ARHGEF3: variants seen among roughly 807,000 people sequenced by gnomAD.
ARHGEF3 encodes the protein 59.8 kDA protein.
In ARHGEF3, 28 loss-of-function variants were observed where a neutral mutation model predicts 63.2. That is an observed-to-expected ratio of 0.44 (90% CI 0.33 to 0.61). The LOEUF (loss-of-function observed/expected upper bound fraction) is 0.61. ARHGEF3 is among the 20% of genes least tolerant of loss of function. The probability of loss-of-function intolerance (pLI) is 0.03; values close to 1 mark genes in which losing one functional copy is unlikely to be tolerated. For synonymous variants in ARHGEF3, 266 were observed against 254.2 expected (o/e 1.05, Z -0.44); for missense variants, 533 against 659.3 (o/e 0.81, Z 2.10).
intron 2 of ARHGEF3, among the ~76,000 whole-genome samples, chr3:57,022,107 C>T (rs1302307086): frequency 2.0e-5 from 3 of 151,972 alleles, no homozygotes; most frequent in Non-Finnish European, 4.4e-5. Flanking sequence ...CTTGTTTCTA[C>T]AAAAAAATTT....
intron 2 of ARHGEF3, among the ~76,000 whole-genome samples, chr3:57,015,995 G>A (rs987735314): frequency 6.6e-6 from 1 of 151,986 alleles, no homozygotes; most frequent in Non-Finnish European, 1.5e-5. Flanking sequence ...GGGTCCACCT[G>A]GGTGCGTCCT....
chr3:56,869,571 T>C (rs79417271), intron 4 of ARHGEF3, among the ~76,000 whole-genome samples: 145 of 152,340 alleles, frequency 9.5e-4, no homozygotes, highest in African/African-American at 3.2e-3. Flanking sequence ...AAAGTCAACA[T>C]ATCTCCTTCT....
At chr3:56,887,811 C>G (rs1052059008) in intron 3 of ARHGEF3, among the ~76,000 whole-genome samples, 6 of 152,246 alleles carry the variant, frequency 3.9e-5, no homozygotes, top group African/African-American at 1.4e-4. Flanking sequence ...GCTGTAGTCT[C>G]TGCACTCTGA....
At chr3:57,069,376 AACAC>A (rs147675971) in intron 1 of ARHGEF3, among the ~76,000 whole-genome samples, 6,596 of 146,374 alleles carry the variant, frequency 0.045, 436 homozygotes, top group African/African-American at 0.15. Flanking sequence ...CTGTCTCTCA[AACAC>A]ACACACACAC....
intron 1 of ARHGEF3, among the ~76,000 whole-genome samples, chr3:56,783,430 G>A (rs1474651563): frequency 6.6e-6 from 1 of 152,166 alleles, no homozygotes; most frequent in Admixed American, 6.5e-5. Flanking sequence ...TTTGGAGAGG[G>A]TGAATGTTCA....
Position 57,068,156 on chromosome 3 carries a change from C to T in ARHGEF3, c.-28+11070G>A, listed in dbSNP as rs573090961. Reference sequence around the variant, plus strand: ...TTTCACCAAATAATTCAGATATGCGCGCACACACACATACACACACACACA... The same window carrying T: ...TTTCACCAAATAATTCAGATATGCGTGCACACACACATACACACACACACA... On this transcript the variant is annotated intron_variant, in intron 1 of 12. Coordinates refer to the ARHGEF3 transcript ENST00000338458. Among the ~76,000 whole-genome samples the T allele has an allele frequency of 1.2e-3, 99 of 80,408 alleles. 1 individual carries two copies. In the South Asian group the frequency reaches 0.022, roughly 18 times the overall value. 52.8% of individuals were successfully genotyped at this position (80,408 alleles called of 152,430 possible). A position where few individuals can be genotyped will look rare whatever the true frequency, so the allele number is the denominator to read the frequency against.
exon 3 of ARHGEF3, chr3:56,958,880 C>G: frequency 6.4e-7 from 1 of 1,551,226 alleles, no homozygotes; most frequent in Non-Finnish European, 8.7e-7. Context: ...TTTGCCGCTG[C>G]CGTTTAGGCC....
intron 1 of ARHGEF3, among the ~76,000 whole-genome samples, chr3:57,055,521 ATTC>A (rs1278848979): frequency 4.6e-5 from 7 of 152,092 alleles, no homozygotes; most frequent in Non-Finnish European, 1.0e-4. Flanking sequence ...TCATGTAGAA[ATTC>A]TTCTTTATTA....
chr3:57,023,412 G>A (rs1703341163), intron 2 of ARHGEF3, among the ~76,000 whole-genome samples: 1 of 152,190 alleles, frequency 6.6e-6, no homozygotes, highest in Non-Finnish European at 1.5e-5. Flanking sequence ...AATACCCCCA[G>A]CTGGTTACTT....
At chr3:56,751,002 T>C (rs2034707921) in intron 6 of ARHGEF3, 54 bp downstream of exon 6, 1 of 1,269,372 alleles carries the variant, frequency 7.9e-7, no homozygotes, top group Admixed American at 2.6e-5. Context: ...AAAATGAAAC[T>C]CCCATCTATA....
intron 1 of ARHGEF3, chr3:56,775,231 T>A: frequency 3.8e-6 from 5 of 1,329,600 alleles, no homozygotes; most frequent in Non-Finnish European, 4.8e-6. Flanking sequence ...GTTCTGAACA[T>A]AGTAGGTGCC....
At chr3:56,817,521 GA>G (rs1433300342) in intron 4 of ARHGEF3, among the ~76,000 whole-genome samples, 1 of 152,172 alleles carries the variant, frequency 6.6e-6, no homozygotes, top group African/African-American at 2.4e-5. Context: ...ACTTCAGCTG[GA>G]ACAGAAAGAA....
intron 6 of ARHGEF3, among the ~76,000 whole-genome samples, chr3:56,748,277 G>A (rs978229409): frequency 6.6e-6 from 1 of 152,078 alleles, no homozygotes; most frequent in African/African-American, 2.4e-5. Context: ...AGATCCACCC[G>A]CCTCAGGCTC....
At chr3:56,879,345 C>T (rs2040693746) in intron 4 of ARHGEF3, among the ~76,000 whole-genome samples, 1 of 152,144 alleles carries the variant, frequency 6.6e-6, no homozygotes. Context: ...TAATATTTCT[C>T]AACTTTAAGT....
intron 2 of ARHGEF3, among the ~76,000 whole-genome samples, chr3:56,984,192 C>T (rs536219840): frequency 7.9e-5 from 12 of 152,316 alleles, no homozygotes; most frequent in African/African-American, 2.6e-4. Flanking sequence ...AAAACCACAC[C>T]GTGGGCTGCA....
intron 3 of ARHGEF3, among the ~76,000 whole-genome samples, chr3:56,948,809 T>G (rs1211291430): frequency 6.8e-6 from 1 of 147,970 alleles, no homozygotes; most frequent in Non-Finnish European, 1.5e-5. Flanking sequence ...TACCAAAGCC[T>G]GGCAGAGACA....
At chr3:56,946,596 G>A (rs963613619) in intron 3 of ARHGEF3, among the ~76,000 whole-genome samples, 2 of 152,126 alleles carry the variant, frequency 1.3e-5, no homozygotes, top group African/African-American at 2.4e-5. Context: ...AAAAAGAAAC[G>A]AACAAAGCCT....
intron 3 of ARHGEF3, among the ~76,000 whole-genome samples, chr3:56,894,334 A>G (rs1216412339): frequency 6.6e-6 from 1 of 152,196 alleles, no homozygotes; most frequent in Non-Finnish European, 1.5e-5. Context: ...GTAGATGCTT[A>G]ATAAAATATT....
rs1161370912 is a variant in ARHGEF3 at position 56,773,750 on chromosome 3, C to T, written c.163G>A (p.Val55Met). ...AAGCGCTTTAATGGCGTGGCCTTCA[C>T]GGGCGGGATGAGGTTTGCTAGCGAC... Reference protein sequence around the residue: ...VTSLANLIPPVKATPLKRFSQ... With the variant: ...VTSLANLIPPMKATPLKRFSQ... The change falls in exon 2 of 10, where the codon GTG (valine) becomes ATG (methionine). Residue 55 changes from valine (V) to methionine (M), a missense_variant. By Grantham distance (21) the Val-to-Met change is conservative. Around this residue, in one of 4 missense-constraint regions of ARHGEF3, gnomAD observed 160 missense variants for 157.3 expected, o/e 1.02. Coordinates refer to ENST00000296315, the MANE Select transcript of ARHGEF3 (RefSeq NM_019555.3). 2.5e-6 allele frequency: 4 copies of T among 1,599,522 alleles called. No homozygotes were observed. The highest frequency in any genetic ancestry group is 1.1e-5 in the South Asian group (1 of 88,878).
Sources: allele counts gnomAD v4.1 joint callset (sites outside exome capture counted in the v4.1 genomes callset), GRCh38; gene constraint gnomAD v4.1.1; regional missense constraint gnomAD v4.1.1; transcripts MANE v1.5; gene names NCBI Gene and HGNC (gene_info 2026-07-23, HGNC 2026-07-21).